CLCN6: variants seen among roughly 807,000 people sequenced by gnomAD.
CLCN6 encodes the protein Cl-/H+ antiporter 6.
Under a neutral mutation model 109.8 loss-of-function variants are expected in CLCN6, and 70 were observed. That is an observed-to-expected ratio of 0.64 (90% CI 0.53 to 0.78). The LOEUF is 0.78. Ranked by LOEUF, CLCN6 falls within the 30% of genes least tolerant of loss-of-function variation. The pLI is 0.00. For synonymous variants in CLCN6, 444 were observed against 447.8 expected (o/e 0.99, Z 0.11); for missense variants, 984 against 1,142.3 (o/e 0.86, Z 2.00).
intron 18 of CLCN6, 75 bp downstream of exon 18, chr1:11,836,228 C>A: frequency 7.1e-7 from 1 of 1,416,528 alleles, no homozygotes. Context: ...GTGCTTTGCC[C>A]ACCCCTGGCT....
At chr1:11,827,591 G>A (rs946698704) in intron 10 of CLCN6, among the ~76,000 whole-genome samples, 2 of 129,900 alleles carry the variant, frequency 1.5e-5, no homozygotes, top group African/African-American at 3.1e-5. Context: ...ACGTGCCACC[G>A]CATCCAGCTA....
chr1:11,811,884 C>T lies in CLCN6; in HGVS notation c.148-3962C>T, dbSNP rs189025430. On this transcript the variant is annotated intron_variant, in intron 2 of 22. Coordinates refer to ENST00000346436, the MANE Select transcript of CLCN6 (RefSeq NM_001286.5). ...ATTAGATGGAACCATCAATGAAGTA[C>T]TTGACCAGTAATTTCCATACATATT... 9.2e-5 allele frequency among the ~76,000 whole-genome samples: 14 copies of T among 152,304 alleles called. No individual in the cohort carries two copies. In the East Asian group the frequency reaches 2.3e-3, roughly 25 times the overall value.
intron 17 of CLCN6, among the ~76,000 whole-genome samples, chr1:11,835,425 C>G (rs1644931796): frequency 6.6e-6 from 1 of 152,190 alleles, no homozygotes; most frequent in African/African-American, 2.4e-5. Context: ...GCGCGTGCCA[C>G]CACACCTGGC....
rs376468817 is a variant in CLCN6 at position 11,833,929 on chromosome 1, T to A, written c.1425T>A (p.Leu475=). 2 of 1,613,944 alleles carry A rather than the reference T, an allele frequency of 1.2e-6. No individual in the cohort carries two copies. The highest frequency in any genetic ancestry group is 1.7e-6 in the Non-Finnish European group (2 of 1,179,992). Residue 475 remains leucine, a synonymous_variant, in exon 15 of 23, where the codon CTT becomes CTA. Coordinates refer to ENST00000346436, the MANE Select transcript of CLCN6 (RefSeq NM_001286.5). ...TGTTCTTCGTTCTCTATTTCTTGCT[T>A]GCATGTTGGACTTACGGCATTTCTG... ...LALFFVLYFL[L]ACWTYGISVP...
intron 4 of CLCN6, 35 bp downstream of exon 4, chr1:11,816,715 T>C (rs765101066): frequency 1.0e-5 from 16 of 1,580,188 alleles, no homozygotes; most frequent in Middle Eastern, 1.7e-4. Flanking sequence ...TGGTGGGCCA[T>C]AGGGCTGGAG....
chr1:11,806,984 C>T (rs1427687515), intron 1 of CLCN6, 147 bp from the exon 2 acceptor site: 2 of 670,704 alleles, frequency 3.0e-6, no homozygotes, highest in Admixed American at 2.6e-5. Flanking sequence ...GGTCCCTCAC[C>T]CCTGAAAGGT....
intron 8 of CLCN6, 99 bp from the exon 9 acceptor site, chr1:11,826,055 CTG>C: frequency 1.1e-6 from 1 of 893,398 alleles, no homozygotes. Flanking sequence ...TAGGCTGCCC[CTG>C]ACCTGTGTTC....
rs777546086 is a variant in CLCN6, at chr1:11,829,298, C to T, written c.1224C>T (p.Ile408=). The T allele has an allele frequency of 1.4e-5, 22 of 1,613,944 alleles. No homozygotes were observed. In the Admixed American group the frequency reaches 1.7e-4, roughly 12 times the overall value. Residue 408 remains isoleucine (I), a synonymous_variant, in exon 13 of 23, where the codon ATC becomes ATT. Coordinates refer to ENST00000346436, the MANE Select transcript of CLCN6 (RefSeq NM_001286.5). ...ECRQMSSSSQ[I]GNDSFQLQVT... ...GACAGATGTCCTCTTCGAGTCAAATCGGTAATGACTCATTCCAGCTCCAGG... is the reference window on the plus strand; with the variant it reads ...GACAGATGTCCTCTTCGAGTCAAATTGGTAATGACTCATTCCAGCTCCAGG...
chr1:11,842,592 A>G lies in CLCN6; in HGVS notation c.*2369A>G, dbSNP rs905691892. 3 of 152,696 alleles carry G rather than the reference A, an allele frequency of 2.0e-5. No homozygotes were observed. The highest frequency in any genetic ancestry group is 7.2e-5 in the African/African-American group (3 of 41,446). 9.5% of individuals were successfully genotyped at this position (152,696 alleles called of 1,614,324 possible). ...GTGATCAGTCGCCTCAGTAAAGCAG[A>G]TCTGTGGATGGGGAGCCTACGGGTG... On this transcript the variant is annotated 3_prime_UTR_variant, in exon 23 of 23. Coordinates refer to ENST00000346436, the MANE Select transcript of CLCN6 (RefSeq NM_001286.5).
chr1:11,838,090 CT>C (rs1312063679), intron 20 of CLCN6, among the ~76,000 whole-genome samples: 1 of 152,212 alleles, frequency 6.6e-6, no homozygotes, highest in Non-Finnish European at 1.5e-5. Context: ...CCATTTGCAT[CT>C]CATGAATCAG....
chr1:11,827,297 A>C, intron 10 of CLCN6, 76 bp downstream of exon 10: 1 of 1,449,134 alleles, frequency 6.9e-7, no homozygotes, highest in Admixed American at 2.4e-5. Context: ...GGTACATGGA[A>C]TGGTAGTTTT....
chr1:11,822,842 A>G, intron 6 of CLCN6, 41 bp downstream of exon 6: 1 of 1,259,698 alleles, frequency 7.9e-7, no homozygotes, highest in African/African-American at 1.5e-5. Flanking sequence ...AGGAGGTTTT[A>G]GAGTCCCGCA....
chr1:11,818,534 G>A (rs1644702381), intron 4 of CLCN6, among the ~76,000 whole-genome samples: 3 of 152,180 alleles, frequency 2.0e-5, no homozygotes, highest in South Asian at 4.1e-4. Flanking sequence ...AGGCACACCT[G>A]CCTTTATGAC....
intron 22 of CLCN6, among the ~76,000 whole-genome samples, chr1:11,839,541 C>T (rs1487739627): frequency 1.3e-5 from 2 of 152,244 alleles, no homozygotes; most frequent in Non-Finnish European, 2.9e-5. Flanking sequence ...GGATTACATG[C>T]GTCAGCCACT....
intron 8 of CLCN6, among the ~76,000 whole-genome samples, chr1:11,825,709 G>A (rs1570529571): frequency 1.3e-5 from 2 of 152,152 alleles, no homozygotes; most frequent in Non-Finnish European, 1.5e-5. Context: ...TACAGCCTCC[G>A]CCTCCTGGGT....
intron 5 of CLCN6, 22 bp from the exon 6 acceptor site, chr1:11,822,673 T>G (rs750563815): frequency 4.6e-6 from 7 of 1,515,736 alleles, no homozygotes; most frequent in Non-Finnish European, 6.4e-6. Context: ...ATGAACAAGT[T>G]TCCTTAACCC....
In CLCN6 at chr1:11,841,722, C is replaced by G. The variant is rs1645026268; in HGVS notation, c.*1499C>G. 6.6e-6 allele frequency: 1 copy of G among 152,306 alleles called. No homozygotes were observed. Among genetic ancestry groups the G allele is most frequent in the Non-Finnish European group, 1.5e-5 (1 of 68,082 alleles). The allele number at this position is 152,306 out of a possible 1,614,324, so 9.4% of individuals were successfully genotyped here. A position where few individuals can be genotyped will look rare whatever the true frequency, so the allele number is the denominator to read the frequency against. On this transcript the variant is annotated 3_prime_UTR_variant, in exon 23 of 23. Coordinates refer to ENST00000346436, the MANE Select transcript of CLCN6 (RefSeq NM_001286.5). ...CTGCCTTTCACCCTGGGGTGAGCATCAGTCCTGGCTCTGCTGGTCCAGATC... is the reference window on the plus strand; with the variant it reads ...CTGCCTTTCACCCTGGGGTGAGCATGAGTCCTGGCTCTGCTGGTCCAGATC...
At position 11,828,132 on chromosome 1, in the gene CLCN6, C is replaced by G; in HGVS notation, c.867C>G (p.Phe289Leu). Residue 289 changes from phenylalanine (F) to leucine (L), a missense_variant, in exon 11 of 23, where the codon TTC becomes TTG. Physicochemically the swap from Phe to Leu is conservative, Grantham distance 22. Coordinates refer to ENST00000346436, the MANE Select transcript of CLCN6 (RefSeq NM_001286.5). Reference sequence around the variant, plus strand: ...TCTTTTGTTCCATGTCTGCCACCTTCACCCTCAACTTCTTCCGTTCTGGGA... The same window carrying G: ...TCTTTTGTTCCATGTCTGCCACCTTGACCCTCAACTTCTTCCGTTCTGGGA... ...KVLFCSMSATFTLNFFRSGIQ... is the reference protein window; with the variant it reads ...KVLFCSMSATLTLNFFRSGIQ... The G allele has an allele frequency of 6.2e-7, 1 of 1,614,176 alleles. No homozygotes were observed. The highest frequency in any genetic ancestry group is 8.5e-7 in the Non-Finnish European group (1 of 1,179,972).
rs749311032 is a variant in CLCN6, at chr1:11,837,103, C to T, written c.2085C>T (p.Ala695=). ...GGAACATGTGTGATGAGCACATCGC[C>T]TCTGAGGAGCCAGCCGAGAAGGAGG... ...ELRNMCDEHI[A]SEEPAEKEDL... The change falls in exon 19 of 23, where the codon GCC becomes GCT. Residue 695 remains alanine, a synonymous_variant. Coordinates refer to ENST00000346436, the MANE Select transcript of CLCN6 (RefSeq NM_001286.5). 2 of 1,613,452 alleles carry T rather than the reference C, an allele frequency of 1.2e-6. No individual in the cohort carries two copies. Among genetic ancestry groups the T allele is most frequent in the Admixed American group, 1.7e-5 (1 of 60,026 alleles).
Sources: gnomAD v4.1 joint callset for allele counts (sites outside exome capture counted in the v4.1 genomes callset) on GRCh38, gnomAD v4.1.1 for gene constraint, MANE v1.5 for transcripts, NCBI Gene and HGNC (gene_info 2026-07-23, HGNC 2026-07-21) for gene names.